CNTNAP2: variants seen among roughly 807,000 people sequenced by gnomAD.
CNTNAP2 encodes contactin associated protein 2.
In CNTNAP2, 98 loss-of-function variants were observed where a neutral mutation model predicts 155.2. The ratio of observed to expected loss-of-function variants is 0.63; its 90% CI spans 0.54 to 0.75. CNTNAP2 has a LOEUF of 0.75. Ranked by LOEUF, CNTNAP2 falls within the 30% of genes least tolerant of loss-of-function variation. The pLI is 0.00. For missense variants in CNTNAP2, 1,727 were observed against 1,688.1 expected (o/e 1.02, Z -0.40); for synonymous variants, 651 against 631.2 (o/e 1.03, Z -0.47).
chr7:146,771,313 G>C (rs1452872126), intron 1 of CNTNAP2, among the ~76,000 whole-genome samples: 1 of 152,122 alleles, frequency 6.6e-6, no homozygotes, highest in Non-Finnish European at 1.5e-5. Flanking sequence ...TTAAATGAAT[G>C]AAATGAACAT....
chr7:147,449,012 C>T (rs1257884778), intron 10 of CNTNAP2, among the ~76,000 whole-genome samples: 1 of 152,060 alleles, frequency 6.6e-6, no homozygotes, highest in East Asian at 1.9e-4. Flanking sequence ...TTTTATAATG[C>T]TCTAAGAAGC....
intron 2 of CNTNAP2, among the ~76,000 whole-genome samples, chr7:146,823,781 A>G (rs1189742998): frequency 6.6e-6 from 1 of 152,030 alleles, no homozygotes; most frequent in Non-Finnish European, 1.5e-5. Flanking sequence ...TTCAAAAACT[A>G]TGACATGTTT....
chr7:146,720,961 T>C lies in CNTNAP2; in HGVS notation c.98-53310T>C, dbSNP rs369722560. Among the ~76,000 whole-genome samples, 268 of 124,994 alleles carry C rather than the reference T, an allele frequency of 2.1e-3. 6 individuals carry two copies. Among genetic ancestry groups the C allele is most frequent in the African/African-American group, 9.9e-3 (252 of 25,384 alleles). 82.0% of individuals were successfully genotyped at this position (124,994 alleles called of 152,430 possible). A position where few individuals can be genotyped will look rare whatever the true frequency, so the allele number is the denominator to read the frequency against. On this transcript the variant is annotated intron_variant, in intron 1 of 23. Coordinates refer to ENST00000361727, the MANE Select transcript of CNTNAP2 (RefSeq NM_014141.6). ...ACTTTCTCTATATATTCTATATATA[T>C]ACAGTATATATATAGACTATATATA...
At chr7:147,161,063 C>T (rs979610225) in intron 8 of CNTNAP2, among the ~76,000 whole-genome samples, 10 of 152,036 alleles carry the variant, frequency 6.6e-5, no homozygotes, top group South Asian at 2.1e-4. Context: ...TGTGAAAGAA[C>T]GTAGTGACCA....
intron 1 of CNTNAP2, among the ~76,000 whole-genome samples, chr7:146,603,688 G>A (rs1365641924): frequency 1.3e-5 from 2 of 151,120 alleles, no homozygotes; most frequent in African/African-American, 4.9e-5. Flanking sequence ...CAAGGCTACA[G>A]TAACCAAAAC....
chr7:148,282,480 A>T (rs1376864023), intron 21 of CNTNAP2, among the ~76,000 whole-genome samples: 1 of 152,242 alleles, frequency 6.6e-6, no homozygotes, highest in Non-Finnish European at 1.5e-5. Flanking sequence ...TGTTAGGAAG[A>T]TGAAAGATGC....
chr7:146,150,425 T>C (rs1171836519), intron 1 of CNTNAP2, among the ~76,000 whole-genome samples: 2 of 152,150 alleles, frequency 1.3e-5, no homozygotes, highest in Admixed American at 6.6e-5. Flanking sequence ...AATAAAAACA[T>C]GTTTACAACA....
chr7:146,300,187 T>C (rs545509175), intron 1 of CNTNAP2, among the ~76,000 whole-genome samples: 2 of 152,190 alleles, frequency 1.3e-5, no homozygotes, highest in Admixed American at 1.3e-4. Context: ...AAAGAATATA[T>C]AACAATCCAC....
intron 21 of CNTNAP2, among the ~76,000 whole-genome samples, chr7:148,362,557 C>T (rs941095384): frequency 2.0e-5 from 3 of 152,138 alleles, no homozygotes; most frequent in African/African-American, 4.8e-5. Flanking sequence ...GATGTTCTGC[C>T]GTGGCTTATT....
chr7:147,175,082 T>C (rs991726131), intron 8 of CNTNAP2, among the ~76,000 whole-genome samples: 11 of 152,138 alleles, frequency 7.2e-5, no homozygotes, highest in Non-Finnish European at 1.6e-4. Flanking sequence ...CCAAACTTCA[T>C]TTGAAAGGAG....
intron 21 of CNTNAP2, among the ~76,000 whole-genome samples, chr7:148,285,691 T>C (rs985966652): frequency 2.0e-5 from 3 of 152,252 alleles, no homozygotes; most frequent in Non-Finnish European, 4.4e-5. Flanking sequence ...GTCATATAGC[T>C]AGTAAGTGGT....
At chr7:147,601,390 G>A (rs1263199921) in intron 12 of CNTNAP2, among the ~76,000 whole-genome samples, 1 of 151,904 alleles carries the variant, frequency 6.6e-6, no homozygotes, top group African/African-American at 2.4e-5. Flanking sequence ...TGGCGGGCAG[G>A]GGTGGGGGAC....
intron 1 of CNTNAP2, among the ~76,000 whole-genome samples, chr7:146,308,342 G>A (rs576074297): frequency 1.3e-5 from 2 of 152,306 alleles, no homozygotes; most frequent in African/African-American, 4.8e-5. Flanking sequence ...GTGCTGGAGA[G>A]GATGTGGAGA....
At chr7:147,502,741 G>GTGTATATATA (rs1491222754) in intron 11 of CNTNAP2, among the ~76,000 whole-genome samples, 3 of 99,956 alleles carry the variant, frequency 3.0e-5, no homozygotes, top group Non-Finnish European at 6.1e-5. Flanking sequence ...GTGTGTGTGT[G>GTGTATATATA]TATATATATA....
intron 3 of CNTNAP2, among the ~76,000 whole-genome samples, chr7:147,026,337 T>C (rs1187460954): frequency 6.6e-6 from 1 of 152,146 alleles, no homozygotes; most frequent in African/African-American, 2.4e-5. Flanking sequence ...CAAAAATATA[T>C]AAATAAGATG....
chr7:146,182,972 CT>C (rs1798570871), intron 1 of CNTNAP2, among the ~76,000 whole-genome samples: 1 of 152,100 alleles, frequency 6.6e-6, no homozygotes, highest in Non-Finnish European at 1.5e-5. Flanking sequence ...GTTCGTATTT[CT>C]TGTTCCTTTA....
Position 148,125,619 on chromosome 7 carries a change from C to G in CNTNAP2, c.2554+7331C>G, listed in dbSNP as rs185679504. Among the ~76,000 whole-genome samples the G allele has an allele frequency of 4.2e-5, 6 of 143,038 alleles. No individual in the cohort carries two copies. In the East Asian group the frequency reaches 1.2e-3, roughly 29 times the overall value. 93.8% of individuals were successfully genotyped at this position (143,038 alleles called of 152,430 possible). On this transcript the variant is annotated intron_variant, in intron 16 of 23. Coordinates refer to ENST00000361727, the MANE Select transcript of CNTNAP2 (RefSeq NM_014141.6). Reference sequence around the variant, plus strand: ...CCATGATGTATATGTACCACATTTTCTTTATTTGAGACTAGTAATCTCTGT... The same window carrying G: ...CCATGATGTATATGTACCACATTTTGTTTATTTGAGACTAGTAATCTCTGT...
intron 19 of CNTNAP2, among the ~76,000 whole-genome samples, chr7:148,222,062 G>A (rs1405714196): frequency 5.3e-5 from 8 of 152,190 alleles, no homozygotes; most frequent in Non-Finnish European, 7.3e-5. Context: ...GGTGTGAGGG[G>A]AGCCTTGCTC....
At chr7:147,764,178 TC>T (rs1797350331) in intron 13 of CNTNAP2, among the ~76,000 whole-genome samples, 1 of 152,158 alleles carries the variant, frequency 6.6e-6, no homozygotes, top group Non-Finnish European at 1.5e-5. Context: ...ACACCATAGC[TC>T]ACAGGTGGTT....
Sources: gnomAD v4.1 joint callset for allele counts (sites outside exome capture counted in the v4.1 genomes callset) on GRCh38, gnomAD v4.1.1 for gene constraint, MANE v1.5 for transcripts, NCBI Gene and HGNC (gene_info 2026-07-23, HGNC 2026-07-21) for gene names.